PIAS1: variants seen among roughly 807,000 people sequenced by gnomAD.
PIAS1 encodes E3 SUMO-protein ligase PIAS1.
A neutral mutation model predicts 71.3 loss-of-function variants in PIAS1; 6 were observed. The ratio of observed to expected loss-of-function variants is 0.08; its 90% CI spans 0.05 to 0.17. The LOEUF (loss-of-function observed/expected upper bound fraction) is 0.17, where lower values mean the gene tolerates loss of function less well. Among genes scored for constraint, PIAS1 ranks in the 10% least tolerant of loss-of-function variants. The probability of loss-of-function intolerance (pLI) is 1.00; values close to 1 mark genes in which losing one functional copy is unlikely to be tolerated. For synonymous variants in PIAS1, 303 were observed against 292.9 expected (o/e 1.03, Z -0.35); for missense variants, 555 against 793.6 (o/e 0.70, Z 3.61).
chr15:68,085,588 A>T (rs540483188), intron 1 of PIAS1, among the ~76,000 whole-genome samples: 2 of 152,164 alleles, frequency 1.3e-5, no homozygotes, highest in African/African-American at 4.8e-5. Flanking sequence ...AGAATCAGAC[A>T]TATCTGGGTT....
At chr15:68,143,464 A>G (rs2092786268) in intron 4 of PIAS1, among the ~76,000 whole-genome samples, 1 of 152,152 alleles carries the variant, frequency 6.6e-6, no homozygotes, top group African/African-American at 2.4e-5. Context: ...GACTATACTT[A>G]ATAACTTTTA....
chr15:68,166,159 T>C (rs1329760110), intron 8 of PIAS1, among the ~76,000 whole-genome samples: 2 of 152,158 alleles, frequency 1.3e-5, no homozygotes, highest in Non-Finnish European at 2.9e-5. Context: ...TATATATCTT[T>C]CTATTCCTGT....
rs1395523816 is a variant in PIAS1, at chr15:68,174,959, T to C, written c.1170-678T>C. On this transcript the variant is annotated intron_variant, in intron 9 of 13. Coordinates refer to ENST00000249636, the MANE Select transcript of PIAS1 (RefSeq NM_016166.3). This position sits in a 1 kb window ranked among gnomAD's most constrained non-coding sequence, Gnocchi z 4.0. ...TTCCAACTTTATATGTTACATAGCT[T>C]TAGGTTCTCCCATTTCTTGTTATAA... Among the ~76,000 whole-genome samples, 2 of 152,172 alleles carry C rather than the reference T, an allele frequency of 1.3e-5. No homozygotes were observed. The highest frequency in any genetic ancestry group is 1.3e-4 in the Admixed American group (2 of 15,272).
At position 68,146,575 on chromosome 15, in the gene PIAS1, C is replaced by T. The variant is rs767691694; in HGVS notation, c.703C>T (p.Pro235Ser). Reference protein sequence around the residue: ...TKPCSLPGYLPPTKNGVEPKR... With the variant: ...TKPCSLPGYLSPTKNGVEPKR... ...TACATTTCATTTTTAGGGTTACCTT[C>T]CACCTACAAAAAATGGCGTGGAACC... Residue 235 changes from proline to serine, a missense_variant, in exon 6 of 14, where the codon CCA becomes TCA. By Grantham distance (74) the Pro-to-Ser change is moderately conservative. Transcript: ENST00000249636. 3 of 1,611,120 alleles carry T rather than the reference C, an allele frequency of 1.9e-6. No homozygotes were observed. The African/African-American group carries it at 4.0e-5, about 22-fold the overall frequency.
chr15:68,141,064 G>T (rs1055234385), intron 2 of PIAS1, among the ~76,000 whole-genome samples: 1 of 152,132 alleles, frequency 6.6e-6, no homozygotes, highest in African/African-American at 2.4e-5. Context: ...GCCAATGGAT[G>T]TGGTGATGCA....
intron 2 of PIAS1, among the ~76,000 whole-genome samples, chr15:68,124,993 T>C (rs573901157): frequency 1.3e-5 from 2 of 152,350 alleles, no homozygotes; most frequent in South Asian, 4.1e-4. Flanking sequence ...TACCGTATAA[T>C]CTGTTTGTCG....
At chr15:68,099,154 T>G (rs1595723026) in intron 2 of PIAS1, among the ~76,000 whole-genome samples, 1 of 151,912 alleles carries the variant, frequency 6.6e-6, no homozygotes, top group East Asian at 1.9e-4. Context: ...TGTTGTTGTT[T>G]TTAAAAATAT....
At chr15:68,073,375 CA>C (rs1405653989) in intron 1 of PIAS1, among the ~76,000 whole-genome samples, 19 of 152,144 alleles carry the variant, frequency 1.2e-4, no homozygotes, top group East Asian at 1.9e-4. Context: ...TAATAATTGA[CA>C]GGTGCCAAAC....
chr15:68,065,915 C>CTT (rs869104577), intron 1 of PIAS1, among the ~76,000 whole-genome samples: 4,377 of 40,162 alleles, frequency 0.11, 1,247 homozygotes, highest in Non-Finnish European at 0.12. Flanking sequence ...TGACTAAAAG[C>CTT]TTTTTTTTTT....
At chr15:68,119,545 A>G (rs1049314618) in intron 2 of PIAS1, among the ~76,000 whole-genome samples, 2 of 152,110 alleles carry the variant, frequency 1.3e-5, no homozygotes, top group Non-Finnish European at 2.9e-5. Flanking sequence ...ACTTTGTATG[A>G]CTTGAATCCT....
chr15:68,109,200 A>G (rs1370156298), intron 2 of PIAS1, among the ~76,000 whole-genome samples: 1 of 152,108 alleles, frequency 6.6e-6, no homozygotes, highest in Non-Finnish European at 1.5e-5. Flanking sequence ...ACAAACATTC[A>G]CGTGGCCATC....
chr15:68,149,685 A>C (rs1047930252), intron 6 of PIAS1, among the ~76,000 whole-genome samples: 6 of 152,026 alleles, frequency 3.9e-5, no homozygotes, highest in Non-Finnish European at 5.9e-5. Context: ...CTTAAAAACT[A>C]GTTATTTTTA....
At chr15:68,163,078 TGTAG>T (rs2092935620) in intron 7 of PIAS1, among the ~76,000 whole-genome samples, 1 of 152,230 alleles carries the variant, frequency 6.6e-6, no homozygotes, top group African/African-American at 2.4e-5. Flanking sequence ...TTGCCAGCTA[TGTAG>T]GTAGCCCTTC....
intron 2 of PIAS1, among the ~76,000 whole-genome samples, chr15:68,106,637 T>A (rs1473647245): frequency 6.6e-6 from 1 of 152,038 alleles, no homozygotes; most frequent in African/African-American, 2.4e-5. Flanking sequence ...AGCTCCTCAC[T>A]GTGCCATTTT....
intron 6 of PIAS1, among the ~76,000 whole-genome samples, chr15:68,147,028 G>C (rs550423078): frequency 6.6e-6 from 1 of 152,094 alleles, no homozygotes; most frequent in African/African-American, 2.4e-5. Context: ...CGTGTTACTT[G>C]ATTTATTGAT....
At chr15:68,101,415 C>T (rs2092425146) in intron 2 of PIAS1, among the ~76,000 whole-genome samples, 1 of 149,412 alleles carries the variant, frequency 6.7e-6, no homozygotes, top group African/African-American at 2.5e-5. Flanking sequence ...TTGTGGTTTG[C>T]AGATCTTTTC....
At chr15:68,108,438 T>G (rs2092491525) in intron 2 of PIAS1, among the ~76,000 whole-genome samples, 1 of 152,122 alleles carries the variant, frequency 6.6e-6, no homozygotes, top group East Asian at 1.9e-4. Context: ...ATCATGCTAG[T>G]CATTTCTTCT....
intron 2 of PIAS1, among the ~76,000 whole-genome samples, chr15:68,139,725 T>A (rs1213033870): frequency 6.6e-6 from 1 of 152,200 alleles, no homozygotes; most frequent in African/African-American, 2.4e-5. Context: ...ATAAATTAGA[T>A]TTCAGGTTTT....
rs1420732905 is a variant in PIAS1 at position 68,188,741 on chromosome 15, G to A, written c.*906G>A. 1 of 152,164 alleles carries A rather than the reference G, an allele frequency of 6.6e-6. No individual in the cohort carries two copies. Among genetic ancestry groups the A allele is most frequent in the Non-Finnish European group, 1.5e-5 (1 of 68,018 alleles). 9.4% of individuals were successfully genotyped at this position (152,164 alleles called of 1,614,324 possible). A position where few individuals can be genotyped will look rare whatever the true frequency, so the allele number is the denominator to read the frequency against. On this transcript the variant is annotated 3_prime_UTR_variant, in exon 14 of 14. Transcript: ENST00000249636. The stretch of plus-strand genomic sequence containing the variant: ...ATTCTAAATCTGGATTGCCAGTATT[G>A]TGTATTTAAACCAAGTCTGTGAATA...
Sources: allele counts gnomAD v4.1 joint callset (sites outside exome capture counted in the v4.1 genomes callset), GRCh38; gene constraint gnomAD v4.1.1; non-coding constraint Gnocchi (gnomAD v3.1); transcripts MANE v1.5; gene names NCBI Gene and HGNC (gene_info 2026-07-23, HGNC 2026-07-21).